SLC19A1: variants seen among roughly 807,000 people sequenced by gnomAD.
SLC19A1 encodes solute carrier family 19 member 1.
In SLC19A1, 37 loss-of-function variants were observed where a neutral mutation model predicts 35.3. The observed-to-expected ratio is 1.05, with a 90% CI of 0.81 to 1.38. The LOEUF (loss-of-function observed/expected upper bound fraction) is 1.38, where lower values mean the gene tolerates loss of function less well. Among genes scored for constraint, SLC19A1 ranks in the 40% most tolerant of loss-of-function variants. The pLI, the probability that SLC19A1 is intolerant of heterozygous loss-of-function variation, is 0.00. For missense variants in SLC19A1, 831 were observed against 826.9 expected (o/e 1.00, Z -0.06); for synonymous variants, 460 against 398.5 (o/e 1.15, Z -1.84).
At chr21:45,504,049 A>C in intron 3 of SLC19A1, 1 of 1,613,644 alleles carries the variant, frequency 6.2e-7, no homozygotes, top group Non-Finnish European at 8.5e-7. Context: ...GGAGGCTGAA[A>C]TGAAGGTGGG....
At chr21:45,531,299 G>C (rs2146354654) in intron 3 of SLC19A1, 90 bp downstream of exon 3, 1 of 1,497,350 alleles carries the variant, frequency 6.7e-7, no homozygotes, top group East Asian at 2.3e-5. Context: ...GGGCGGGAGA[G>C]GGAGCCTCCG....
upstream of SLC19A1, among the ~76,000 whole-genome samples, chr21:45,546,843 A>G (rs997317727): frequency 1.3e-5 from 2 of 152,212 alleles, no homozygotes; most frequent in Non-Finnish European, 2.9e-5. Flanking sequence ...GGAGGTTTGC[A>G]TCAAGCTCCG....
chr21:45,530,897 C>T lies in SLC19A1; in HGVS notation c.1024G>A (p.Val342Ile), dbSNP rs142899279. Residue 342 changes from valine to isoleucine, a missense_variant, in exon 4 of 6, where the codon GTC becomes ATC. By Grantham distance (29) the Val-to-Ile change is conservative. Transcript: ENST00000311124. The surrounding 1 kb of genome is among the most constrained non-coding windows in gnomAD (Gnocchi z 5.3). ...ACCAGCCCCGCCTGCGTGGCCGTGA[C>T]GCCCGCGATGAGCAGCTTGGACCAG... ...ARWSKLLIAG[V>I]TATQAGLVFL... 12 of 1,480,308 alleles carry T rather than the reference C, an allele frequency of 8.1e-6. No individual in the cohort carries two copies. Among genetic ancestry groups the T allele is most frequent in the East Asian group, 2.6e-5 (1 of 38,242 alleles). 91.7% of individuals were successfully genotyped at this position (1,480,308 alleles called of 1,614,324 possible).
At chr21:45,523,175 C>T (rs1307889284) in intron 5 of SLC19A1, among the ~76,000 whole-genome samples, 1 of 152,162 alleles carries the variant, frequency 6.6e-6, no homozygotes. Context: ...CCCAGCTGTT[C>T]TCCCCATGCT....
At chr21:45,549,513 A>C (rs996647953) in intron 1 of SLC19A1, among the ~76,000 whole-genome samples, 2 of 150,452 alleles carry the variant, frequency 1.3e-5, no homozygotes, top group Non-Finnish European at 3.0e-5. Context: ...GCCTGGAAGC[A>C]AGTCGAATGC....
At chr21:45,529,038 G>C (rs1488033164) in intron 4 of SLC19A1, among the ~76,000 whole-genome samples, 3 of 152,276 alleles carry the variant, frequency 2.0e-5, no homozygotes, top group African/African-American at 7.2e-5. Context: ...TTTCCACAGT[G>C]CTGGCAGGTC....
intron 2 of SLC19A1, among the ~76,000 whole-genome samples, chr21:45,536,748 G>A (rs902500338): frequency 2.2e-4 from 34 of 152,238 alleles, no homozygotes; most frequent in Non-Finnish European, 2.5e-4. Context: ...CATGCCGAGC[G>A]TCAGCCATGT....
chr21:45,508,662 C>G (rs181260087), downstream of SLC19A1, among the ~76,000 whole-genome samples: 211 of 152,326 alleles, frequency 1.4e-3, 3 homozygotes, highest in Non-Finnish European at 2.1e-4. Context: ...GTGTCAGGGG[C>G]TCCACAGCGG....
rs2037681930 is a variant in SLC19A1, at chr21:45,512,690, C to T, written c.*2968G>A. 2.0e-6 allele frequency: 1 copy of T among 491,046 alleles called. No individual in the cohort carries two copies. The highest frequency in any genetic ancestry group is 3.8e-5 in the East Asian group (1 of 26,018). The allele number at this position is 491,046 out of a possible 1,614,324, so 30.4% of individuals were successfully genotyped here. A position where few individuals can be genotyped will look rare whatever the true frequency, so the allele number is the denominator to read the frequency against. Reference sequence around the variant, plus strand: ...TATCATGCCCTGTGCAACCTCTTGGCCTGATCAGACCACGGCTCGATTTCT... The same window carrying T: ...TATCATGCCCTGTGCAACCTCTTGGTCTGATCAGACCACGGCTCGATTTCT... On this transcript the variant is annotated 3_prime_UTR_variant, in exon 6 of 6. Transcript: ENST00000311124.
At chr21:45,510,280 G>A (rs1346269084), downstream of SLC19A1, 1 of 1,585,374 alleles carries the variant, frequency 6.3e-7, no homozygotes, top group Non-Finnish European at 8.6e-7. Flanking sequence ...GTCCAGTCCT[G>A]AGGGCGCGGG....
downstream of SLC19A1, chr21:45,512,037 G>C: frequency 1.2e-6 from 1 of 800,008 alleles, no homozygotes; most frequent in Non-Finnish European, 2.1e-6. Flanking sequence ...CCAGCAGGGA[G>C]GCCATGTGGC....
At chr21:45,548,561 T>A (rs1289562165), upstream of SLC19A1, among the ~76,000 whole-genome samples, 1 of 152,096 alleles carries the variant, frequency 6.6e-6, no homozygotes, top group African/African-American at 2.4e-5. Context: ...CTGGCCAACA[T>A]GGTGAAACCC....
downstream of SLC19A1, chr21:45,512,421 C>G: frequency 1.9e-6 from 3 of 1,605,934 alleles, no homozygotes; most frequent in Non-Finnish European, 8.5e-7. Flanking sequence ...TGCGGATGGC[C>G]GGAGAGGACC....
At position 45,505,366 on chromosome 21, in the gene SLC19A1, G is replaced by A. The variant is rs201381498; in HGVS notation, c.498-6754C>T. 815 of 1,594,236 alleles carry A rather than the reference G, an allele frequency of 5.1e-4. 1 individual carries two copies. The highest frequency in any genetic ancestry group is 3.8e-3 in the African/African-American group (283 of 74,642). On this transcript the variant is annotated intron_variant, in intron 3 of 4. Transcript: ENST00000417954. ...TGGTTTCTCTCCTGCAGCTATCAGC[G>A]TTCCCGGCCCTCCGGGCCCCCCTGG... is the stretch of plus-strand genomic sequence containing the variant.
At chr21:45,505,404 C>G in intron 3 of SLC19A1, 1 of 1,584,134 alleles carries the variant, frequency 6.3e-7, no homozygotes, top group South Asian at 1.1e-5. Context: ...CCCCTGGGCC[C>G]CCTGGAACCA....
Position 45,504,487 on chromosome 21 carries a change from C to A in SLC19A1, c.498-5875G>T, listed in dbSNP as rs370771189. The A allele has an allele frequency of 2.5e-6, 4 of 1,590,136 alleles. No homozygotes were observed. The highest frequency in any genetic ancestry group is 2.2e-5 in the South Asian group (2 of 90,002). On this transcript the variant is annotated intron_variant, in intron 3 of 4. Transcript: ENST00000417954. ...GGGAGCCCGGGGGCGGCGGTTTCTT[C>A]GGCTCCAGCCTGCCCGGCCCCCCCG...
At position 45,505,388 on chromosome 21, in the gene SLC19A1, CT is replaced by C. The variant is rs769432194; in HGVS notation, c.498-6777del. 1.0e-5 allele frequency: 16 copies of C among 1,571,792 alleles called. No individual in the cohort carries two copies. Among genetic ancestry groups the C allele is most frequent in the Non-Finnish European group, 8.7e-7 (1 of 1,149,168 alleles). On this transcript the variant is annotated intron_variant, in intron 3 of 4. Coordinates refer to the SLC19A1 transcript ENST00000417954. ...AGCGTTCCCGGCCCTCCGGGCCCCC[CT>C]GGGCCCCCTGGGCCCCCTGGAACCA...
chr21:45,504,336 C>T lies in SLC19A1; in HGVS notation c.498-5724G>A. On this transcript the variant is annotated intron_variant, in intron 3 of 4. Coordinates refer to the SLC19A1 transcript ENST00000417954. ...GCTCCGGAAGCTTCTGACTGCCCAG[C>T]CCTGGCTCGGGGGGATGGGAGGCCA... The T allele has an allele frequency of 3.4e-6, 5 of 1,455,108 alleles. No homozygotes were observed. In the East Asian group the frequency reaches 9.2e-5, roughly 27 times the overall value. The allele number at this position is 1,455,108 out of a possible 1,614,324, so 90.1% of individuals were successfully genotyped here.
At chr21:45,510,396 C>T (rs2037508562), downstream of SLC19A1, 6 of 1,035,684 alleles carry the variant, frequency 5.8e-6, no homozygotes, top group East Asian at 5.2e-5. Context: ...AGGCTGGCGA[C>T]TTCAGGGCAG....
Sources: allele counts gnomAD v4.1 joint callset (sites outside exome capture counted in the v4.1 genomes callset), GRCh38; gene constraint gnomAD v4.1.1; non-coding constraint Gnocchi (gnomAD v3.1); transcripts MANE v1.5; gene names NCBI Gene and HGNC (gene_info 2026-07-23, HGNC 2026-07-21).